PPM1L: variants seen among roughly 807,000 people sequenced by gnomAD.
The protein encoded by PPM1L is protein phosphatase 1L.
Under a neutral mutation model 31.4 loss-of-function variants are expected in PPM1L, and 13 were observed. That is an observed-to-expected ratio of 0.41 (90% CI 0.27 to 0.66). PPM1L has a LOEUF of 0.66. PPM1L is among the 30% of genes least tolerant of loss of function. The probability of loss-of-function intolerance (pLI) is 0.29; values close to 1 mark genes in which losing one functional copy is unlikely to be tolerated. For missense variants in PPM1L, 326 were observed against 453.7 expected (o/e 0.72, Z 2.56); for synonymous variants, 184 against 175.4 (o/e 1.05, Z -0.39).
chr3:160,902,410 C>T (rs1713574825), intron 1 of PPM1L, among the ~76,000 whole-genome samples: 1 of 152,072 alleles, frequency 6.6e-6, no homozygotes, highest in East Asian at 1.9e-4. Context: ...TTATGTCATT[C>T]CCTGTTACTC....
intron 2 of PPM1L, among the ~76,000 whole-genome samples, chr3:161,041,547 G>A (rs917594485): frequency 6.6e-6 from 1 of 152,078 alleles, no homozygotes; most frequent in East Asian, 1.9e-4. Flanking sequence ...TCAGGAGATC[G>A]AGACCATCCT....
chr3:160,923,953 T>C (rs1310642125), intron 1 of PPM1L, among the ~76,000 whole-genome samples: 1 of 152,228 alleles, frequency 6.6e-6, no homozygotes, highest in Non-Finnish European at 1.5e-5. Flanking sequence ...TATTATCTGC[T>C]ATTTTTAGGC....
At chr3:160,852,705 ATGCTTTTAATATCG>A (rs1474162853) in intron 1 of PPM1L, among the ~76,000 whole-genome samples, 1 of 152,214 alleles carries the variant, frequency 6.6e-6, no homozygotes, top group Admixed American at 6.5e-5. Context: ...ATCAGCAACT[ATGCTTTTAATATCG>A]TACTTTTCCA....
chr3:161,034,390 C>T (rs1002389212), intron 2 of PPM1L, among the ~76,000 whole-genome samples: 1 of 152,134 alleles, frequency 6.6e-6, no homozygotes, highest in Non-Finnish European at 1.5e-5. Context: ...GACACATACA[C>T]GTGTATGTTT....
intron 2 of PPM1L, among the ~76,000 whole-genome samples, chr3:160,985,947 T>C (rs1716948886): frequency 6.8e-6 from 1 of 146,654 alleles, no homozygotes; most frequent in African/African-American, 2.5e-5. Context: ...CCTATATTGA[T>C]GGCACAGTTC....
chr3:160,785,735 ATT>A (rs1711891622), intron 1 of PPM1L, among the ~76,000 whole-genome samples: 6 of 151,700 alleles, frequency 4.0e-5, no homozygotes, highest in Non-Finnish European at 5.9e-5. Context: ...TGAGTGAACC[ATT>A]CATTATGTAA....
At chr3:161,016,194 A>G (rs1349944577) in intron 2 of PPM1L, among the ~76,000 whole-genome samples, 9 of 152,308 alleles carry the variant, frequency 5.9e-5, no homozygotes, top group East Asian at 5.8e-4. Context: ...GAGTGGAGGC[A>G]TTCTATCTAG....
chr3:160,827,570 T>C (rs143839401), intron 1 of PPM1L, among the ~76,000 whole-genome samples: 2 of 152,058 alleles, frequency 1.3e-5, no homozygotes, highest in East Asian at 3.9e-4. Context: ...GAAAGACTGC[T>C]ACTTTTAAAG....
At chr3:160,875,729 C>A (rs1712485483) in intron 1 of PPM1L, among the ~76,000 whole-genome samples, 1 of 152,146 alleles carries the variant, frequency 6.6e-6, no homozygotes, top group South Asian at 2.1e-4. Flanking sequence ...TGAAGAAACA[C>A]ATTTAGGTTA....
chr3:160,896,364 T>TA lies in PPM1L; in HGVS notation c.400-65366dup, dbSNP rs1323611272. 1.4e-4 allele frequency among the ~76,000 whole-genome samples: 21 copies of TA among 152,278 alleles called. 1 individual carries two copies. The Middle Eastern group carries it at 0.014, about 99-fold the overall frequency. ...AACATCTTTTTTGAAAACCTTCATTTAAAAAATCTATTTTCCATTTATATT... is the reference window on the plus strand; with the variant it reads ...AACATCTTTTTTGAAAACCTTCATTTAAAAAAATCTATTTTCCATTTATATT... On this transcript the variant is annotated intron_variant, in intron 1 of 3. Coordinates refer to ENST00000498165, the MANE Select transcript of PPM1L (RefSeq NM_139245.4).
intron 1 of PPM1L, among the ~76,000 whole-genome samples, chr3:160,770,989 G>T (rs1237560193): frequency 6.6e-6 from 1 of 152,094 alleles, no homozygotes; most frequent in Non-Finnish European, 1.5e-5. Context: ...CCCTCAAATT[G>T]CCCATAAAGA....
chr3:160,762,181 A>T (rs1225230163), intron 1 of PPM1L, among the ~76,000 whole-genome samples: 1 of 152,224 alleles, frequency 6.6e-6, no homozygotes, highest in Non-Finnish European at 1.5e-5. Context: ...CTGTTAGTAA[A>T]TGTTCGGCTT....
At chr3:160,848,699 A>T (rs780839886) in intron 1 of PPM1L, among the ~76,000 whole-genome samples, 1 of 152,146 alleles carries the variant, frequency 6.6e-6, no homozygotes, top group Non-Finnish European at 1.5e-5. Context: ...TATTCTTCTC[A>T]TCTCTGCAGC....
chr3:160,855,734 G>T (rs140113234), intron 1 of PPM1L, among the ~76,000 whole-genome samples: 1,639 of 152,244 alleles, frequency 0.011, 39 homozygotes, highest in African/African-American at 0.038. Flanking sequence ...AGGTTGTGGA[G>T]AAAAAGGAAC....
At chr3:161,017,950 C>T (rs1295700842) in intron 2 of PPM1L, among the ~76,000 whole-genome samples, 4 of 152,020 alleles carry the variant, frequency 2.6e-5, no homozygotes, top group Non-Finnish European at 5.9e-5. Flanking sequence ...CCCTATTACC[C>T]TAACCTGATT....
intron 1 of PPM1L, among the ~76,000 whole-genome samples, chr3:160,759,435 A>C (rs770437427): frequency 1.1e-4 from 17 of 150,816 alleles, no homozygotes; most frequent in Non-Finnish European, 2.2e-4. Flanking sequence ...TTTTTCTTTT[A>C]AGCTGAGATG....
At chr3:160,903,680 A>G (rs998107449) in intron 1 of PPM1L, among the ~76,000 whole-genome samples, 1 of 151,958 alleles carries the variant, frequency 6.6e-6, no homozygotes, top group Non-Finnish European at 1.5e-5. Context: ...TCTCTTGAGG[A>G]TCTACCACAT....
At chr3:160,794,111 C>A (rs1052762334) in intron 1 of PPM1L, among the ~76,000 whole-genome samples, 3 of 151,178 alleles carry the variant, frequency 2.0e-5, no homozygotes, top group Admixed American at 2.0e-4. Flanking sequence ...TTGAGCACCT[C>A]AGCCACAGGA....
chr3:160,901,226 T>A (rs1239167369), intron 1 of PPM1L, among the ~76,000 whole-genome samples: 1 of 152,150 alleles, frequency 6.6e-6, no homozygotes, highest in African/African-American at 2.4e-5. Context: ...ATACTTTATA[T>A]CTGAGACTTA....
Sources: gnomAD v4.1 joint callset for allele counts (sites outside exome capture counted in the v4.1 genomes callset) on GRCh38, gnomAD v4.1.1 for gene constraint, MANE v1.5 for transcripts, NCBI Gene and HGNC (gene_info 2026-07-23, HGNC 2026-07-21) for gene names.